Variants in ABCA7 observed in about 807,000 individuals in gnomAD.
ABCA7 encodes phospholipid-transporting ATPase ABCA7.
In ABCA7, 261 loss-of-function variants were observed where a neutral mutation model predicts 227.6. The observed-to-expected ratio is 1.15, with a 90% CI of 1.04 to 1.27. The LOEUF (loss-of-function observed/expected upper bound fraction) is 1.27. ABCA7 is among the 50% of genes most tolerant of loss of function. ABCA7 has a pLI of 0.00. For synonymous variants in ABCA7, 1,488 were observed against 1,279.7 expected, an observed-to-expected ratio of 1.16 and a Z score of -3.47; for missense variants, 3,331 against 2,924.5, an observed-to-expected ratio of 1.14 and a Z score of -3.21.
intron 37 of ABCA7, 123 bp from the exon 38 acceptor site, chr19:1,058,495 C>T: frequency 1.3e-6 from 2 of 1,488,756 alleles, no homozygotes; most frequent in African/African-American, 1.4e-5. Flanking sequence ...GCCAATTAGA[C>T]TCCAGCTGAG....
At chr19:1,051,623 G>T (rs908420604) in intron 21 of ABCA7, 37 bp downstream of exon 21, 1 of 1,586,758 alleles carries the variant, frequency 6.3e-7, no homozygotes, top group Non-Finnish European at 8.6e-7. Flanking sequence ...GGCCAGAAAA[G>T]GCTTCTGACA....
In ABCA7 at chr19:1,056,225, T is replaced by G. The variant is rs1043501999; in HGVS notation, c.4398T>G (p.Asp1466Glu). 3.8e-6 allele frequency: 6 copies of G among 1,596,452 alleles called. No individual in the cohort carries two copies. Among genetic ancestry groups the G allele is most frequent in the Non-Finnish European group, 4.3e-6 (5 of 1,171,510 alleles). Residue 1466 changes from aspartate to glutamate, a missense_variant, in exon 32 of 47, where the codon GAT becomes GAG. Physicochemically the swap from Asp to Glu is conservative, Grantham distance 45. Coordinates refer to ENST00000263094, the MANE Select transcript of ABCA7 (RefSeq NM_019112.4). The surrounding 1 kb of genome is among the most constrained non-coding windows in gnomAD (Gnocchi z 4.3). ...TCACAGCCTGGGCTCACAGCCTGGA[T>G]GCTCAGGACAGTCTCAAGGTGGGAA... ...KNLTAWAHSL[D>E]AQDSLKIWFN...
At position 1,054,600 on chromosome 19, in the gene ABCA7, G is replaced by A. The variant is rs1452730163; in HGVS notation, c.3757G>A (p.Ala1253Thr). The change falls in exon 28 of 47, where the codon GCC (alanine) becomes ACC (threonine). Residue 1253 changes from alanine (A) to threonine (T), a missense_variant. Coordinates refer to ENST00000263094, the MANE Select transcript of ABCA7 (RefSeq NM_019112.4). This position sits in a 1 kb window ranked among gnomAD's most constrained non-coding sequence, Gnocchi z 4.8. ...IVLPALFVGL[A>T]LVFSLIVPPF... is the part of the protein sequence containing the mutation. ...GCTGCCTGCCCTCTTTGTGGGCCTG[G>A]CCCTCGTGTTCAGCCTCATCGTGCC... 4 of 1,612,706 alleles carry A rather than the reference G, an allele frequency of 2.5e-6. No homozygotes were observed. In the South Asian group the frequency reaches 4.4e-5, roughly 18 times the overall value.
intron 23 of ABCA7, 69 bp downstream of exon 23, chr19:1,052,355 G>A: frequency 1.5e-6 from 2 of 1,368,534 alleles, no homozygotes; most frequent in Middle Eastern, 2.5e-4. Context: ...TTGAGGAGGA[G>A]GAGGGGGAGG....
At chr19:1,043,660 G>T in intron 9 of ABCA7, 65 bp from the exon 10 acceptor site, 7 of 1,560,482 alleles carry the variant, frequency 4.5e-6, no homozygotes, top group South Asian at 1.1e-5. Flanking sequence ...GGCAGAGGGG[G>T]CAGGGGGTGG....
chr19:1,059,033 G>T lies in ABCA7; in HGVS notation c.5411G>T (p.Gly1804Val), dbSNP rs201353133. 1.1e-5 allele frequency: 17 copies of T among 1,613,904 alleles called. No homozygotes were observed. The South Asian group carries it at 1.9e-4, about 18-fold the overall frequency. Residue 1804 changes from glycine (G) to valine (V), a missense_variant, in exon 40 of 47, where the codon GGG (glycine) becomes GTG (valine). Physicochemically the swap from Gly to Val is moderately radical, Grantham distance 109 (BLOSUM62 -3). Coordinates refer to ENST00000263094, the MANE Select transcript of ABCA7 (RefSeq NM_019112.4). ...CCTGCACTCTCCCAGGTATACCGTGGGCAGAGGATGCCAGCTGTTGACCGC... is the reference window on the plus strand; with the variant it reads ...CCTGCACTCTCCCAGGTATACCGTGTGCAGAGGATGCCAGCTGTTGACCGC... ...VLRNLTKVYR[G>V]QRMPAVDRLC...
intron 40 of ABCA7, among the ~76,000 whole-genome samples, chr19:1,060,846 C>A (rs1239217566): frequency 1.3e-5 from 2 of 152,032 alleles, no homozygotes; most frequent in East Asian, 3.9e-4. Context: ...TAAGCACCTA[C>A]TGTGTGCTGG....
At chr19:1,043,694 G>C in intron 9 of ABCA7, 31 bp from the exon 10 acceptor site, 1 of 1,605,224 alleles carries the variant, frequency 6.2e-7, no homozygotes, top group Non-Finnish European at 8.5e-7. Context: ...GAGGAGGAGA[G>C]GGTCATCAGT....
chr19:1,051,433 T>C lies in ABCA7; in HGVS notation c.2825-16T>C. 1.9e-6 allele frequency: 3 copies of C among 1,552,020 alleles called. No homozygotes were observed. Among genetic ancestry groups the C allele is most frequent in the Non-Finnish European group, 2.6e-6 (3 of 1,142,396 alleles). ...CTGGGTGTGACACACTGAGGTCCCT[T>C]CCCCATCTCTACCAGGTGGGATGCA... On this transcript the variant is annotated splice_polypyrimidine_tract_variant and intron_variant, in intron 20 of 46. Coordinates refer to ENST00000263094, the MANE Select transcript of ABCA7 (RefSeq NM_019112.4).
Position 1,063,051 on chromosome 19 carries a change from C to T in ABCA7, c.5713-493C>T, listed in dbSNP as rs570708038. On this transcript the variant is annotated intron_variant, in intron 42 of 46. Coordinates refer to ENST00000263094, the MANE Select transcript of ABCA7 (RefSeq NM_019112.4). ...GCCCCACCCCATACTCATGCTGTCT[C>T]CACCCACACCATGGCCCTGCCCCAT... is the stretch of plus-strand genomic sequence containing the variant. Among the ~76,000 whole-genome samples, 366 of 145,710 alleles carry T rather than the reference C, an allele frequency of 2.5e-3. 3 individuals carry two copies. Among genetic ancestry groups the T allele is most frequent in the Admixed American group, 4.5e-3 (66 of 14,708 alleles).
Position 1,044,660 on chromosome 19 carries a change from G to C in ABCA7, c.1131G>C (p.Leu377=), listed in dbSNP as rs767395449. Residue 377 remains leucine (L), a synonymous_variant, in exon 11 of 47, where the codon CTG becomes CTC. Coordinates refer to ENST00000263094, the MANE Select transcript of ABCA7 (RefSeq NM_019112.4). The part of the protein sequence containing the change: ...RDHMEALRSF[L]DPGSGGYSWQ... ...ACATGGAGGCCCTGCGATCCTTTCTGGACCCTGGGAGCGGTGGCTACAGCT... is the reference window on the plus strand; with the variant it reads ...ACATGGAGGCCCTGCGATCCTTTCTCGACCCTGGGAGCGGTGGCTACAGCT... The C allele has an allele frequency of 2.1e-5, 34 of 1,613,230 alleles. No individual in the cohort carries two copies. The Admixed American group carries it at 3.8e-4, about 18-fold the overall frequency.
At chr19:1,059,628 A>G (rs1366388111) in intron 40 of ABCA7, among the ~76,000 whole-genome samples, 2 of 145,300 alleles carry the variant, frequency 1.4e-5, no homozygotes, top group African/African-American at 5.2e-5. Context: ...CAGTGGTGAG[A>G]TCTCGGCTCA....
chr19:1,050,402 ACT>A (rs2041454834), intron 18 of ABCA7, among the ~76,000 whole-genome samples: 1 of 148,474 alleles, frequency 6.7e-6, no homozygotes. Context: ...ACAGAGTGAG[ACT>A]CTGTCACAAA....
chr19:1,059,500 C>T (rs1400525398), intron 40 of ABCA7, among the ~76,000 whole-genome samples: 2 of 151,320 alleles, frequency 1.3e-5, no homozygotes, highest in South Asian at 2.1e-4. Context: ...CTCCTGACCT[C>T]GTGATCCACC....
chr19:1,046,203 CA>C (rs749571992), intron 12 of ABCA7, 26 bp from the exon 13 acceptor site: 1 of 1,601,628 alleles, frequency 6.2e-7, no homozygotes, highest in Non-Finnish European at 8.5e-7. Flanking sequence ...CCCTTCCCTA[CA>C]ACCGGCCACC....
rs145274467 is a variant in ABCA7, at chr19:1,043,184, C to G, written c.723C>G (p.Tyr241Ter). The change falls in exon 8 of 47, where the codon TAC (tyrosine) becomes TAG (stop). Residue 241 changes from tyrosine (Y) to a stop codon, truncating the protein, a stop_gained. Transcript: ENST00000263094. LOFTEE classifies it high-confidence loss of function. ...CAGTGGGCCCCTCCCTCAACTGGTACGAGGCTAGTGACCTGATGGAGCTGG... is the reference window on the plus strand; with the variant it reads ...CAGTGGGCCCCTCCCTCAACTGGTAGGAGGCTAGTGACCTGATGGAGCTGG... ...SSTVGPSLNWYEASDLMELVG... is the reference protein window; with the variant it reads ...SSTVGPSLNW The G allele has an allele frequency of 3.1e-6, 5 of 1,610,198 alleles. No homozygotes were observed. Among genetic ancestry groups the G allele is most frequent in the Middle Eastern group, 1.6e-4 (1 of 6,078 alleles).
At position 1,049,265 on chromosome 19, in the gene ABCA7, G is replaced by C; in HGVS notation, c.2381-1G>C. On this transcript the variant is annotated splice_acceptor_variant, in intron 17 of 46. Transcript: ENST00000263094. LOFTEE classifies it high-confidence loss of function. ...TGGCTGAGTCCACCCCATCTCTGCA[G>C]TGCTGGTAGAAGAGGCACCGCCCGG... 1.2e-6 allele frequency: 2 copies of C among 1,601,086 alleles called. No homozygotes were observed. Among genetic ancestry groups the C allele is most frequent in the Non-Finnish European group, 8.5e-7 (1 of 1,172,208 alleles).
At chr19:1,064,630 G>A (rs2042919633) in intron 45 of ABCA7, 3 of 531,264 alleles carry the variant, frequency 5.6e-6, no homozygotes, top group Non-Finnish European at 9.8e-6. Context: ...TAGAGTGCAA[G>A]GGCGAAAGAG....
At chr19:1,064,409 G>A (rs1388372957) in intron 45 of ABCA7, among the ~76,000 whole-genome samples, 156 bp downstream of exon 45, 1 of 152,126 alleles carries the variant, frequency 6.6e-6, no homozygotes, top group Non-Finnish European at 1.5e-5. Flanking sequence ...GACTGAGGGG[G>A]CGAGACAGGC....
Sources: allele counts gnomAD v4.1 joint callset (sites outside exome capture counted in the v4.1 genomes callset), GRCh38; gene constraint gnomAD v4.1.1; non-coding constraint Gnocchi (gnomAD v3.1); transcripts MANE v1.5; gene names NCBI Gene and HGNC (gene_info 2026-07-23, HGNC 2026-07-21).